The following SCAPER variants were observed in gnomAD, a reference collection of about 807,000 sequenced individuals.
SCAPER encodes the protein S phase cyclin A-associated protein in the endoplasmic reticulum.
SCAPER carries 98 observed loss-of-function variants against 182.2 expected under a neutral mutation model. That is an observed-to-expected ratio of 0.54 (90% confidence interval 0.46 to 0.64). The LOEUF (loss-of-function observed/expected upper bound fraction) is 0.64. Among genes scored for constraint, SCAPER ranks in the 30% least tolerant of loss-of-function variants. The pLI is 0.00. For synonymous variants in SCAPER, 605 were observed against 564.6 expected, an observed-to-expected ratio of 1.07 and a Z score of -1.01; for missense variants, 1,432 against 1,690.0, an observed-to-expected ratio of 0.85 and a Z score of 2.68.
In SCAPER at chr15:76,638,437, T is replaced by C. The variant is rs74325614; in HGVS notation, c.2646-16608A>G. 3.9e-5 allele frequency among the ~76,000 whole-genome samples: 6 copies of C among 152,290 alleles called. No individual in the cohort carries two copies. In the East Asian group the frequency reaches 1.2e-3, roughly 29 times the overall value. ...GCAGTGGCAGACACATTCTGTCTTG[T>C]CTTAAAAGGGAATGCTTTCAATAGT... On this transcript the variant is annotated intron_variant, in intron 21 of 31. Coordinates refer to ENST00000563290, the MANE Select transcript of SCAPER (RefSeq NM_020843.4).
intron 23 of SCAPER, chr15:76,567,406 C>G (rs1239040556): frequency 2.3e-6 from 1 of 440,020 alleles, no homozygotes; most frequent in Non-Finnish European, 4.5e-6. Flanking sequence ...CAGTATATAC[C>G]TAGAAGTGAA....
intron 26 of SCAPER, among the ~76,000 whole-genome samples, chr15:76,415,062 TAA>T (rs1450490133): frequency 1.3e-5 from 2 of 152,160 alleles, no homozygotes; most frequent in East Asian, 1.9e-4. Context: ...TCACTAGTGA[TAA>T]AGTCAGTGTA....
chr15:76,444,685 T>A (rs1376482332), intron 25 of SCAPER, among the ~76,000 whole-genome samples: 1 of 152,212 alleles, frequency 6.6e-6, no homozygotes, highest in Non-Finnish European at 1.5e-5. Context: ...CATCCCTGTC[T>A]TTTTTCTACT....
At chr15:76,471,434 G>A in intron 24 of SCAPER, 99 bp from the exon 25 acceptor site, 1 of 1,338,086 alleles carries the variant, frequency 7.5e-7, no homozygotes. Context: ...CAACAGGCAT[G>A]AGATGGAAGT....
intron 3 of SCAPER, among the ~76,000 whole-genome samples, chr15:76,860,646 G>A (rs1416227175): frequency 1.3e-5 from 2 of 152,114 alleles, no homozygotes; most frequent in African/African-American, 4.8e-5. Flanking sequence ...TTATGCTGAG[G>A]CAACTTGTTA....
At chr15:76,395,927 T>C (rs1375720375) in intron 27 of SCAPER, among the ~76,000 whole-genome samples, 1 of 152,236 alleles carries the variant, frequency 6.6e-6, no homozygotes, top group Non-Finnish European at 1.5e-5. Context: ...CCCAGTACAA[T>C]GTCCTTAAGA....
chr15:76,691,200 G>C (rs1567812574), intron 20 of SCAPER, among the ~76,000 whole-genome samples: 1 of 151,830 alleles, frequency 6.6e-6, no homozygotes, highest in East Asian at 1.9e-4. Flanking sequence ...TCAATACACA[G>C]AAATGTACAG....
intron 24 of SCAPER, among the ~76,000 whole-genome samples, chr15:76,499,219 GAGA>G (rs1384707785): frequency 1.3e-5 from 2 of 152,320 alleles, no homozygotes; most frequent in East Asian, 3.9e-4. Context: ...CCATCTAACA[GAGA>G]AGAATAGGAT....
chr15:76,398,060 A>G (rs2044206703), intron 27 of SCAPER, among the ~76,000 whole-genome samples: 1 of 152,110 alleles, frequency 6.6e-6, no homozygotes, highest in African/African-American at 2.4e-5. Flanking sequence ...AAGGTACTCT[A>G]TTCTTTGTAT....
chr15:76,691,480 C>T (rs1177778500), intron 20 of SCAPER, among the ~76,000 whole-genome samples: 1 of 151,596 alleles, frequency 6.6e-6, no homozygotes, highest in East Asian at 1.9e-4. Flanking sequence ...ACTGCAAAGG[C>T]GATACACAAA....
chr15:76,705,329 A>C (rs998541605), intron 18 of SCAPER, among the ~76,000 whole-genome samples: 1 of 146,124 alleles, frequency 6.8e-6, no homozygotes, highest in African/African-American at 2.5e-5. Flanking sequence ...GTTCTCACTC[A>C]TAGATGGGAA....
rs946048966 is a variant in SCAPER at position 76,558,234 on chromosome 15, A to G, written c.2838+15924T>C. 2.0e-5 allele frequency among the ~76,000 whole-genome samples: 3 copies of G among 152,194 alleles called. 1 individual carries two copies. Among genetic ancestry groups the G allele is most frequent in the Admixed American group, 2.0e-4 (3 of 15,276 alleles). On this transcript the variant is annotated intron_variant, in intron 23 of 31. Coordinates refer to ENST00000563290, the MANE Select transcript of SCAPER (RefSeq NM_020843.4). ...GACCACCCACAGAATGGGAGATAAT[A>G]TTTGCAAACTATGCATCTAACACAA... is the stretch of plus-strand genomic sequence containing the variant.
intron 4 of SCAPER, among the ~76,000 whole-genome samples, chr15:76,856,621 C>T (rs1330480737): frequency 6.6e-6 from 1 of 151,564 alleles, no homozygotes; most frequent in Non-Finnish European, 1.5e-5. Context: ...AATGACATCA[C>T]GATTAGAAGC....
At position 76,800,313 on chromosome 15, in the gene SCAPER, C is replaced by T. The variant is rs1165452175; in HGVS notation, c.546G>A (p.Val182=). ...EVKKMSPGRH[V]IPSPSTDRIN... is the part of the protein sequence containing the mutation. ...TTCTATCTGTTGATGGACTTGGAATCACATGGCGTCCCGGAGACATCTTCT... is the reference window on the plus strand; with the variant it reads ...TTCTATCTGTTGATGGACTTGGAATTACATGGCGTCCCGGAGACATCTTCT... Residue 182 remains valine (V), a synonymous_variant, in exon 7 of 32, where the codon GTG becomes GTA. Transcript: ENST00000563290. 1.9e-6 allele frequency: 3 copies of T among 1,613,458 alleles called. No individual in the cohort carries two copies. In the South Asian group the frequency reaches 3.3e-5, roughly 18 times the overall value.
At chr15:76,419,492 G>A (rs528106356) in intron 26 of SCAPER, among the ~76,000 whole-genome samples, 2 of 152,196 alleles carry the variant, frequency 1.3e-5, no homozygotes, top group African/African-American at 4.8e-5. Context: ...AGGCCAAGGT[G>A]GGCAGATCAT....
chr15:76,541,966 A>C (rs2144760920), intron 23 of SCAPER, among the ~76,000 whole-genome samples: 1 of 152,352 alleles, frequency 6.6e-6, no homozygotes, highest in South Asian at 2.1e-4. Flanking sequence ...ATCAGAATAT[A>C]ATTTCTAAAT....
At chr15:76,673,976 CA>C (rs1199220542) in intron 20 of SCAPER, among the ~76,000 whole-genome samples, 26 of 151,800 alleles carry the variant, frequency 1.7e-4, no homozygotes, top group Admixed American at 5.9e-4. Context: ...CACACACACA[CA>C]CACACACACA....
intron 18 of SCAPER, among the ~76,000 whole-genome samples, chr15:76,704,554 T>C (rs1291157945): frequency 1.3e-5 from 2 of 152,182 alleles, no homozygotes; most frequent in East Asian, 1.9e-4. Context: ...TAGCCAGTTT[T>C]CCCAGCACCA....
chr15:76,523,349 A>T (rs1307020576), intron 23 of SCAPER, among the ~76,000 whole-genome samples: 1 of 152,086 alleles, frequency 6.6e-6, no homozygotes, highest in African/African-American at 2.4e-5. Context: ...TTGTTTCTCA[A>T]ACCAGCCAAC....
Sources: gnomAD v4.1 joint callset for allele counts (sites outside exome capture counted in the v4.1 genomes callset) on GRCh38, gnomAD v4.1.1 for gene constraint, MANE v1.5 for transcripts, NCBI Gene and HGNC (gene_info 2026-07-23, HGNC 2026-07-21) for gene names.